MYRFL: variants seen among roughly 807,000 people sequenced by gnomAD.
MYRFL encodes the protein myelin regulatory factor-like protein.
Under a neutral mutation model 109.4 loss-of-function variants are expected in MYRFL, and 88 were observed. The ratio of observed to expected loss-of-function variants is 0.80; its 90% CI spans 0.68 to 0.96. The LOEUF (loss-of-function observed/expected upper bound fraction) is 0.96. MYRFL is among the 40% of genes least tolerant of loss of function. The pLI, the probability that MYRFL is intolerant of heterozygous loss-of-function variation, is 0.00. For missense variants in MYRFL, 957 were observed against 954.9 expected, an observed-to-expected ratio of 1.00 and a Z score of -0.03; for synonymous variants, 324 against 320.9, an observed-to-expected ratio of 1.01 and a Z score of -0.10.
At chr12:69,850,447 A>G (rs1883814317) in intron 1 of MYRFL, among the ~76,000 whole-genome samples, 1 of 152,074 alleles carries the variant, frequency 6.6e-6, no homozygotes, top group Admixed American at 6.5e-5. Flanking sequence ...CAGAATTTTA[A>G]TTCTGAAAAA....
chr12:69,860,204 G>C (rs1467406059), intron 2 of MYRFL, among the ~76,000 whole-genome samples: 2 of 152,066 alleles, frequency 1.3e-5, no homozygotes, highest in Non-Finnish European at 2.9e-5. Context: ...TGTGGTGTTT[G>C]GTTTTCCATT....
intron 1 of MYRFL, among the ~76,000 whole-genome samples, chr12:69,839,295 C>T (rs1883116182): frequency 6.6e-6 from 1 of 152,068 alleles, no homozygotes; most frequent in Non-Finnish European, 1.5e-5. Context: ...CTCAATTTCC[C>T]CCTCTCTTTT....
intron 7 of MYRFL, among the ~76,000 whole-genome samples, chr12:69,892,375 G>A (rs192483996): frequency 1.3e-5 from 2 of 152,272 alleles, no homozygotes; most frequent in Admixed American, 6.5e-5. Context: ...CTAAGAGGGA[G>A]AAGCATTCAT....
chr12:69,952,275 C>A, intron 20 of MYRFL, 100 bp downstream of exon 20: 1 of 1,046,238 alleles, frequency 9.6e-7, no homozygotes, highest in Non-Finnish European at 1.4e-6. Flanking sequence ...GGGACAAAGG[C>A]TGCAGCCTGC....
At chr12:69,947,575 G>T (rs556347820) in intron 19 of MYRFL, among the ~76,000 whole-genome samples, 2 of 152,312 alleles carry the variant, frequency 1.3e-5, no homozygotes, top group South Asian at 4.1e-4. Context: ...AAAGATTTAA[G>T]TAGACAGGAG....
Position 69,957,932 on chromosome 12 carries a change from A to AGAT in MYRFL, c.2564_2566dup (p.Met855dup). On this transcript the variant is annotated inframe_insertion, in exon 23 of 25. Transcript: ENST00000552032. ...GAAAGCCACAGAGAAATCTCCCAGG[A>AGAT]GATGACACAGGTAATGTTTTCTGCC... is the stretch of plus-strand genomic sequence containing the variant. The AGAT allele has an allele frequency of 6.5e-7, 1 of 1,533,278 alleles. No individual in the cohort carries two copies. The allele number at this position is 1,533,278 out of a possible 1,614,324, so 95.0% of individuals were successfully genotyped here. A position where few individuals can be genotyped will look rare whatever the true frequency, so the allele number is the denominator to read the frequency against.
intron 16 of MYRFL, among the ~76,000 whole-genome samples, chr12:69,933,568 A>G (rs749859968): frequency 3.5e-4 from 53 of 152,232 alleles, no homozygotes; most frequent in Non-Finnish European, 6.8e-4. Context: ...GCTACAGAAG[A>G]TAGTGTAGCT....
chr12:69,923,916 G>C (rs182330932), intron 13 of MYRFL, among the ~76,000 whole-genome samples: 4 of 152,094 alleles, frequency 2.6e-5, no homozygotes, highest in Non-Finnish European at 5.9e-5. Context: ...TGGGCCAGGC[G>C]CAGTGGCTCA....
Position 69,958,505 on chromosome 12 carries a change from T to A in MYRFL, c.2707T>A (p.Phe903Ile). 1 of 1,535,586 alleles carries A rather than the reference T, an allele frequency of 6.5e-7. No homozygotes were observed. Among genetic ancestry groups the A allele is most frequent in the Non-Finnish European group, 8.7e-7 (1 of 1,146,714 alleles). Reference sequence around the variant, plus strand: ...TGGGATATTCTTCACCGATTACTTCTTTTACTTCTATCGACGCTGTGCCTA... The same window carrying A: ...TGGGATATTCTTCACCGATTACTTCATTTACTTCTATCGACGCTGTGCCTA... ...FAGIFFTDYF[F>I]YFYRRCA Residue 903 changes from phenylalanine to isoleucine, a missense_variant, in exon 25 of 25, where the codon TTT becomes ATT. Transcript: ENST00000552032.
chr12:69,878,373 C>T (rs753827789), intron 2 of MYRFL, among the ~76,000 whole-genome samples: 14 of 152,140 alleles, frequency 9.2e-5, no homozygotes, highest in African/African-American at 1.4e-4. Context: ...GATCCCTTTG[C>T]GCCCAGATGG....
In MYRFL at chr12:69,879,073, A is replaced by G; in HGVS notation, c.183A>G (p.Ser61=). 5.7e-6 allele frequency: 4 copies of G among 702,926 alleles called. No homozygotes were observed. The highest frequency in any genetic ancestry group is 1.0e-5 in the Non-Finnish European group (4 of 384,830). The allele number at this position is 702,926 out of a possible 1,614,324, so 43.5% of individuals were successfully genotyped here. A position where few individuals can be genotyped will look rare whatever the true frequency, so the allele number is the denominator to read the frequency against. ...CCCCGCCCTATTCTGCATCCGACTC[A>G]TGCTCTCCTCCGCAGGTCAAAGGTG... The part of the protein sequence containing the change: ...PDTPPYSASD[S]CSPPQVKGAC... The change falls in exon 3 of 25, where the codon TCA becomes TCG. Residue 61 remains serine, a synonymous_variant. Transcript: ENST00000552032.
At position 69,952,865 on chromosome 12, in the gene MYRFL, G is replaced by A; in HGVS notation, c.2354G>A (p.Cys785Tyr). The A allele has an allele frequency of 6.5e-7, 1 of 1,535,320 alleles. No individual in the cohort carries two copies. Among genetic ancestry groups the A allele is most frequent in the Non-Finnish European group, 8.7e-7 (1 of 1,146,400 alleles). Residue 785 changes from cysteine (C) to tyrosine (Y), a missense_variant, in exon 21 of 25, where the codon TGC (cysteine) becomes TAC (tyrosine). Cys to Tyr is a radical substitution (Grantham distance 194). Coordinates refer to ENST00000552032, the MANE Select transcript of MYRFL (RefSeq NM_182530.3). Reference protein sequence around the residue: ...EIQQIIDHQYCIQSLQCGSGN... With the variant: ...EIQQIIDHQYYIQSLQCGSGN... ...CAGCAAATAATAGATCATCAGTATT[G>A]CATTCAAAGCCTCCAGTGCGGGTAG...
chr12:69,900,186 G>A (rs1208701496), intron 10 of MYRFL, among the ~76,000 whole-genome samples: 1 of 152,170 alleles, frequency 6.6e-6, no homozygotes, highest in Admixed American at 6.5e-5. Context: ...AAATCACAGT[G>A]CGTGACATGG....
rs139473692 is a variant in MYRFL at position 69,849,946 on chromosome 12, C to G, written c.47-5334C>G. On this transcript the variant is annotated intron_variant, in intron 1 of 24. Coordinates refer to ENST00000552032, the MANE Select transcript of MYRFL (RefSeq NM_182530.3). ...GATGGATGGGTGATGTGGTTTGGCT[C>G]TGTGTCCCCACCCAAATCTCATCTT... is the stretch of plus-strand genomic sequence containing the variant. Among the ~76,000 whole-genome samples the G allele has an allele frequency of 6.8e-4, 103 of 152,282 alleles. 1 individual carries two copies. Among genetic ancestry groups the G allele is most frequent in the Middle Eastern group, 3.4e-3 (1 of 294 alleles).
chr12:69,916,901 C>T (rs1954747588), intron 13 of MYRFL, among the ~76,000 whole-genome samples: 1 of 152,240 alleles, frequency 6.6e-6, no homozygotes, highest in Non-Finnish European at 1.5e-5. Context: ...GCCTTTGCTA[C>T]TGCCCAACAC....
Position 69,903,781 on chromosome 12 carries a change from C to T in MYRFL, c.1320C>T (p.Asn440=), listed in dbSNP as rs2136345667. 6.5e-7 allele frequency: 1 copy of T among 1,535,708 alleles called. No homozygotes were observed. Among genetic ancestry groups the T allele is most frequent in the South Asian group, 1.2e-5 (1 of 84,034 alleles). Residue 440 remains asparagine (N), a synonymous_variant, in exon 11 of 25, where the codon AAC becomes AAT. Coordinates refer to ENST00000552032, the MANE Select transcript of MYRFL (RefSeq NM_182530.3). ...APDEALVVCG[N]MKVMGTIMHP... ...ACGAAGCCCTGGTTGTCTGTGGCAACATGAAAGTGATGGGGACCATCATGC... is the reference window on the plus strand; with the variant it reads ...ACGAAGCCCTGGTTGTCTGTGGCAATATGAAAGTGATGGGGACCATCATGC...
At chr12:69,906,365 T>C (rs763315091) in intron 11 of MYRFL, among the ~76,000 whole-genome samples, 3 of 152,108 alleles carry the variant, frequency 2.0e-5, no homozygotes, top group Non-Finnish European at 4.4e-5. Context: ...CTGATGCGAC[T>C]GCAGACTGTG....
chr12:69,922,440 A>G (rs543544213), intron 13 of MYRFL, among the ~76,000 whole-genome samples: 15 of 152,340 alleles, frequency 9.8e-5, no homozygotes, highest in Non-Finnish European at 1.9e-4. Context: ...GTGATTTAAA[A>G]AAACACTTTT....
At chr12:69,860,896 C>A in intron 2 of MYRFL, among the ~76,000 whole-genome samples, 1 of 113,768 alleles carries the variant, frequency 8.8e-6, no homozygotes. Flanking sequence ...CCCCCTCCCC[C>A]CTCCCCCCAC....
Sources: gnomAD v4.1 joint callset for allele counts (sites outside exome capture counted in the v4.1 genomes callset) on GRCh38, gnomAD v4.1.1 for gene constraint, MANE v1.5 for transcripts, NCBI Gene and HGNC (gene_info 2026-07-23, HGNC 2026-07-21) for gene names.